The following MET variants were observed in gnomAD, a reference collection of about 807,000 sequenced individuals.
MET encodes MET proto-oncogene, receptor tyrosine kinase.
A neutral mutation model predicts 133.1 loss-of-function variants in MET; 48 were observed. That is an observed-to-expected ratio of 0.36 (90% confidence interval 0.29 to 0.46). The LOEUF (loss-of-function observed/expected upper bound fraction) is 0.46. Ranked by LOEUF, MET falls within the 20% of genes least tolerant of loss-of-function variation. The pLI, the probability that MET is intolerant of heterozygous loss-of-function variation, is 1.00. For missense variants in MET, 1,442 were observed against 1,695.9 expected, an observed-to-expected ratio of 0.85 and a Z score of 2.63; for synonymous variants, 628 against 616.5, an observed-to-expected ratio of 1.02 and a Z score of -0.28.
chr7:116,740,662 A>G (rs1366859625), intron 4 of MET, among the ~76,000 whole-genome samples, 190 bp from the exon 5 acceptor site: 1 of 152,236 alleles, frequency 6.6e-6, no homozygotes, highest in Admixed American at 6.5e-5. Context: ...ACCTGCTAAC[A>G]ATAAAGGAAA....
At chr7:116,744,040 A>G (rs938134988) in intron 5 of MET, among the ~76,000 whole-genome samples, 1 of 152,236 alleles carries the variant, frequency 6.6e-6, no homozygotes, top group Non-Finnish European at 1.5e-5. Context: ...AAGGTCACCA[A>G]CATCAAAGAC....
chr7:116,716,448 GAAA>G lies in MET; in HGVS notation c.1201-15217_1201-15215del, dbSNP rs1792213369. ...GGAAGGAAAGAAAGAAGGAAAGAAA[GAAA>G]AAGAAAAGAAAGAAAGAGAAAGAAA... On this transcript the variant is annotated intron_variant, in intron 2 of 20. Coordinates refer to ENST00000397752, the MANE Select transcript of MET (RefSeq NM_000245.4). 1.0e-4 allele frequency among the ~76,000 whole-genome samples: 14 copies of G among 134,128 alleles called. 1 individual carries two copies. The South Asian group carries it at 3.3e-3, about 32-fold the overall frequency. The allele number at this position is 134,128 out of a possible 152,430, so 88.0% of individuals were successfully genotyped here.
intron 17 of MET, among the ~76,000 whole-genome samples, chr7:116,780,677 A>G (rs1795131008): frequency 1.1e-4 from 17 of 152,182 alleles, no homozygotes; most frequent in Admixed American, 1.1e-3. Flanking sequence ...TTAAAGAGAA[A>G]CCTAAAACCA....
At chr7:116,792,835 C>G (rs574033435) in intron 19 of MET, among the ~76,000 whole-genome samples, 46 of 152,284 alleles carry the variant, frequency 3.0e-4, no homozygotes, top group Admixed American at 2.0e-3. Context: ...GCTTCCTCAT[C>G]CTAAAATAAA....
At chr7:116,772,012 G>T in intron 14 of MET, 23 bp downstream of exon 14, 1 of 1,612,614 alleles carries the variant, frequency 6.2e-7, no homozygotes, top group South Asian at 1.1e-5. Flanking sequence ...TTATTGTTCT[G>T]AGAAATACCT....
intron 3 of MET, among the ~76,000 whole-genome samples, chr7:116,732,382 A>C (rs1262362922): frequency 6.6e-6 from 1 of 152,124 alleles, no homozygotes; most frequent in African/African-American, 2.4e-5. Flanking sequence ...GTTCAGATAC[A>C]AAAAAAATCC....
intron 1 of MET, among the ~76,000 whole-genome samples, chr7:116,677,219 A>G (rs935660112): frequency 6.6e-6 from 1 of 152,054 alleles, no homozygotes; most frequent in African/African-American, 2.4e-5. Flanking sequence ...GCAGTTGCTG[A>G]TGGTGTGCAG....
chr7:116,702,670 A>G (rs188442041), intron 2 of MET, among the ~76,000 whole-genome samples: 2 of 152,322 alleles, frequency 1.3e-5, no homozygotes, highest in African/African-American at 2.4e-5. Context: ...GAAAAGACAC[A>G]CATATTGTAG....
At chr7:116,700,419 C>T in intron 2 of MET, 135 bp downstream of exon 2, 1 of 985,490 alleles carries the variant, frequency 1.0e-6, no homozygotes, top group Non-Finnish European at 1.4e-6. Flanking sequence ...AGATTTTTTC[C>T]AAGAAAATTG....
At chr7:116,685,630 T>G (rs1796523728) in intron 1 of MET, among the ~76,000 whole-genome samples, 1 of 151,768 alleles carries the variant, frequency 6.6e-6, no homozygotes, top group South Asian at 2.1e-4. Context: ...AGGTTGCAGT[T>G]AGCCAACACC....
chr7:116,751,791 G>A (rs1051460780), intron 5 of MET, among the ~76,000 whole-genome samples: 52 of 152,258 alleles, frequency 3.4e-4, no homozygotes, highest in Non-Finnish European at 2.5e-4. Flanking sequence ...GCCGGGCGTG[G>A]TGGCTCATGT....
intron 1 of MET, among the ~76,000 whole-genome samples, chr7:116,673,605 C>T (rs1295658411): frequency 1.3e-5 from 2 of 152,224 alleles, no homozygotes; most frequent in Non-Finnish European, 2.9e-5. Flanking sequence ...GACACATGCA[C>T]ATTGCCATGC....
intron 11 of MET, among the ~76,000 whole-genome samples, chr7:116,767,569 G>C (rs1268611842): frequency 6.6e-6 from 1 of 152,010 alleles, no homozygotes; most frequent in African/African-American, 2.4e-5. Flanking sequence ...ACTTCAGGGG[G>C]AGTATCTTTG....
chr7:116,731,576 C>T (rs994072372), intron 2 of MET, 92 bp from the exon 3 acceptor site: 20 of 1,304,714 alleles, frequency 1.5e-5, no homozygotes, highest in Non-Finnish European at 2.0e-5. Flanking sequence ...TTGCCATTAT[C>T]CTCCAGGCTC....
chr7:116,777,257 G>T, intron 15 of MET, 132 bp from the exon 16 acceptor site: 1 of 789,236 alleles, frequency 1.3e-6, no homozygotes, highest in Non-Finnish European at 2.2e-6. Flanking sequence ...ATTGTTAAAA[G>T]TATTTTTTAA....
chr7:116,687,154 T>C (rs1436639704), intron 1 of MET, among the ~76,000 whole-genome samples: 1 of 152,208 alleles, frequency 6.6e-6, no homozygotes, highest in African/African-American at 2.4e-5. Context: ...TCCTCTCCCA[T>C]AAATACACAT....
rs575380260 is a variant in MET, at chr7:116,731,474, T to C, written c.1201-194T>C. Among the ~76,000 whole-genome samples, 3 of 152,308 alleles carry C rather than the reference T, an allele frequency of 2.0e-5. No individual in the cohort carries two copies. In the East Asian group the frequency reaches 5.8e-4, roughly 29 times the overall value. ...GAATTGCGATAGTAAGGTTTTAGAG[T>C]CTATAAATAATGCCTAGTGAAATTG... On this transcript the variant is annotated intron_variant, in intron 2 of 20. Coordinates refer to ENST00000397752, the MANE Select transcript of MET (RefSeq NM_000245.4).
At chr7:116,686,436 C>T (rs1796560328) in intron 1 of MET, among the ~76,000 whole-genome samples, 1 of 152,192 alleles carries the variant, frequency 6.6e-6, no homozygotes, top group African/African-American at 2.4e-5. Context: ...TTCTGATGCC[C>T]CAGCCCTACT....
chr7:116,724,957 T>A, intron 2 of MET: 5 of 924,966 alleles, frequency 5.4e-6, no homozygotes, highest in Non-Finnish European at 7.3e-6. Flanking sequence ...TTGTAAACAC[T>A]AGGAACAAAT....
Sources: gnomAD v4.1 joint callset for allele counts (sites outside exome capture counted in the v4.1 genomes callset) on GRCh38, gnomAD v4.1.1 for gene constraint, MANE v1.5 for transcripts, NCBI Gene and HGNC (gene_info 2026-07-23, HGNC 2026-07-21) for gene names.